Variants in NCOR2 observed in about 807,000 individuals in gnomAD.
NCOR2 encodes CTG repeat protein 26.
In NCOR2, 81 loss-of-function variants were observed where a neutral mutation model predicts 262.9. The observed-to-expected ratio is 0.31, with a 90% CI of 0.26 to 0.37. The LOEUF (loss-of-function observed/expected upper bound fraction) is 0.37, where lower values mean the gene tolerates loss of function less well. NCOR2 is among the 10% of genes least tolerant of loss of function. The pLI, the probability that NCOR2 is intolerant of heterozygous loss-of-function variation, is 1.00. For missense variants in NCOR2, 3,385 were observed against 3,621.4 expected (o/e 0.93, Z 1.68); for synonymous variants, 1,659 against 1,559.3 (o/e 1.06, Z -1.51).
chr12:124,340,347 T>A (rs375889764), exon 36 of NCOR2: 2 of 1,612,760 alleles, frequency 1.2e-6, no homozygotes, highest in Non-Finnish European at 1.7e-6. Flanking sequence ...GAGGATGGAC[T>A]TTTCCCGCTC....
Position 124,458,554 on chromosome 12 carries a change from C to T in NCOR2, c.706-1392G>A, listed in dbSNP as rs562460173. 3.5e-3 allele frequency among the ~76,000 whole-genome samples: 526 copies of T among 152,306 alleles called. 3 individuals are homozygous for T. Among genetic ancestry groups the T allele is most frequent in the Non-Finnish European group, 6.1e-3 (413 of 68,032 alleles). The stretch of plus-strand genomic sequence containing the variant: ...GAAGAGCAGGGGAGAACTATTACAG[C>T]GATGGTCACTTCTCCAAGCACCTGC... On this transcript the variant is annotated intron_variant, in intron 5 of 46. Transcript: ENST00000405201.
exon 20 of NCOR2, chr12:124,372,077 T>C: frequency 1.9e-6 from 3 of 1,604,198 alleles, no homozygotes; most frequent in Non-Finnish European, 1.7e-6. Context: ...CAGGTAGCAC[T>C]GGAGTCGCTG....
rs1794963 is a variant in NCOR2, at chr12:124,373,411, C to T, written c.2219-801G>A. ...GGGCCCCGGGCACAGTGGACAATCACGAGGCCAGTGCGTGCGCAGGGGCCC... is the reference window on the plus strand; with the variant it reads ...GGGCCCCGGGCACAGTGGACAATCATGAGGCCAGTGCGTGCGCAGGGGCCC... On this transcript the variant is annotated intron_variant, in intron 19 of 46. Transcript: ENST00000405201. Among the ~76,000 whole-genome samples the T allele has an allele frequency of 4.8e-3, 406 of 83,908 alleles. 16 individuals are homozygous for T. The highest frequency in any genetic ancestry group is 0.018 in the African/African-American group (381 of 21,410). 55.0% of individuals were successfully genotyped at this position (83,908 alleles called of 152,430 possible).
intron 19 of NCOR2, 97 bp downstream of exon 21, chr12:124,374,316 T>C: frequency 8.0e-7 from 1 of 1,248,434 alleles, no homozygotes; most frequent in Non-Finnish European, 1.2e-6. Context: ...GAAAGAGGCA[T>C]GTGCTCAGAA....
At chr12:124,449,829 A>G in exon 7 of NCOR2, 1 of 1,614,080 alleles carries the variant, frequency 6.2e-7, no homozygotes, top group Non-Finnish European at 8.5e-7. Flanking sequence ...TGATGTTCTC[A>G]TGATACTGCC....
In NCOR2 at chr12:124,402,569, A is replaced by G; in HGVS notation, c.1483-8T>C. 6.5e-7 allele frequency: 1 copy of G among 1,549,544 alleles called. No individual in the cohort carries two copies. Among genetic ancestry groups the G allele is most frequent in the South Asian group, 1.2e-5 (1 of 84,730 alleles). ...CTGCTGTTGTTGCTGCTGCTGTCAGACCCCGGGGGAGGGCAGAGGGGAGTG... is the reference window on the plus strand; with the variant it reads ...CTGCTGTTGTTGCTGCTGCTGTCAGGCCCCGGGGGAGGGCAGAGGGGAGTG... On this transcript the variant is annotated splice_polypyrimidine_tract_variant and splice_region_variant and intron_variant, in intron 13 of 46. Transcript: ENST00000405201.
chr12:124,495,220 G>A lies in NCOR2; in HGVS notation c.32C>T (p.Thr11Met), dbSNP rs373302441. ...GTAGCGGGGCTCAGTGGCCCTCCACGTCTGTGCCACAGGCTGTGTGGATCC... is the reference window on the plus strand; with the variant it reads ...GTAGCGGGGCTCAGTGGCCCTCCACATCTGTGCCACAGGCTGTGTGGATCC... The change falls in exon 1 of 47, where the codon ACG (threonine) becomes ATG (methionine). Residue 11 changes from threonine to methionine, a missense_variant. Physicochemically the swap from Thr to Met is moderately conservative, Grantham distance 81. Coordinates refer to ENST00000405201, the Ensembl canonical transcript of NCOR2. The surrounding 1 kb of genome is among the most constrained non-coding windows in gnomAD (Gnocchi z 4.4). 50 of 1,613,616 alleles carry A rather than the reference G, an allele frequency of 3.1e-5. No homozygotes were observed. Among genetic ancestry groups the A allele is most frequent in the East Asian group, 8.9e-5 (4 of 44,890 alleles).
At chr12:124,459,940 G>C (rs779050142) in intron 5 of NCOR2, among the ~76,000 whole-genome samples, 4 of 152,052 alleles carry the variant, frequency 2.6e-5, no homozygotes, top group African/African-American at 4.8e-5. Flanking sequence ...TGCACCTACC[G>C]TTCCCTGCCT....
intron 13 of NCOR2, among the ~76,000 whole-genome samples, chr12:124,411,862 C>T (rs1055124528): frequency 2.6e-5 from 4 of 152,056 alleles, no homozygotes; most frequent in Non-Finnish European, 5.9e-5. Context: ...GGCCAGGTTC[C>T]GGGAGGTGGG....
Position 124,326,298 on chromosome 12 carries a change from G to A in NCOR2, c.7256C>T (p.Ala2419Val), listed in dbSNP as rs769068205. The change falls in exon 46 of 47, where the codon GCA becomes GTA. Residue 2419 changes from alanine (A) to valine (V), a missense_variant. Transcript: ENST00000405201. ...GACAGAGGGTGGCCGGTCCCCAGAT[G>A]CCAGGCCCGGGGCCGGGGACTTGGC... The A allele has an allele frequency of 1.9e-5, 29 of 1,565,592 alleles. No homozygotes were observed. In the East Asian group the frequency reaches 6.7e-4, roughly 36 times the overall value.
At chr12:124,567,574 C>T (rs2052290253), upstream of NCOR2, 1 of 146,240 alleles carries the variant, frequency 6.8e-6, no homozygotes, top group South Asian at 1.9e-4. Context: ...CCGGCCTGCC[C>T]GCGGCTCCGC....
chr12:124,390,033 A>G (rs2041177277), intron 16 of NCOR2, among the ~76,000 whole-genome samples: 1 of 152,168 alleles, frequency 6.6e-6, no homozygotes, highest in Middle Eastern at 3.2e-3. Flanking sequence ...TCTGGGGAGC[A>G]GAAGGCGTCT....
At chr12:124,338,892 A>G (rs889121051) in intron 37 of NCOR2, among the ~76,000 whole-genome samples, 6 of 101,172 alleles carry the variant, frequency 5.9e-5, no homozygotes, top group African/African-American at 2.1e-4. Flanking sequence ...CATCCACCTA[A>G]CCCTACCACC....
chr12:124,343,211 C>T (rs766746478), exon 33 of NCOR2: 1 of 1,608,334 alleles, frequency 6.2e-7, no homozygotes, highest in Non-Finnish European at 8.5e-7. Context: ...GGATGCCTTG[C>T]TGGACGAAAG....
At position 124,448,686 on chromosome 12, in the gene NCOR2, G is replaced by A. The variant is rs544710576; in HGVS notation, c.815+1129C>T. Among the ~76,000 whole-genome samples, 57 of 151,968 alleles carry A rather than the reference G, an allele frequency of 3.8e-4. 1 individual carries two copies. Among genetic ancestry groups the A allele is most frequent in the African/African-American group, 1.3e-3 (55 of 41,428 alleles). Reference sequence around the variant, plus strand: ...GATCACCTGAGCTTGGACCAGTCGCGCAACTCTGGAAACTACAACAGCAGC... The same window carrying A: ...GATCACCTGAGCTTGGACCAGTCGCACAACTCTGGAAACTACAACAGCAGC... On this transcript the variant is annotated intron_variant, in intron 7 of 46. Transcript: ENST00000405201.
chr12:124,494,539 G>A (rs549372143), intron 1 of NCOR2, among the ~76,000 whole-genome samples: 2 of 152,312 alleles, frequency 1.3e-5, no homozygotes, highest in African/African-American at 4.8e-5. Flanking sequence ...GGGCACACAT[G>A]TGGGCAGGCA....
intron 1 of NCOR2, among the ~76,000 whole-genome samples, chr12:124,491,308 T>C (rs985717087): frequency 6.6e-6 from 1 of 152,240 alleles, no homozygotes. Context: ...GCTTACTCTG[T>C]CCATACCCTG....
At chr12:124,429,743 T>C in intron 9 of NCOR2, 37 bp from the exon 12 acceptor site, 1 of 1,551,260 alleles carries the variant, frequency 6.4e-7, no homozygotes. Context: ...ACCGGTCTTC[T>C]GGTGGTCGGG....
In NCOR2 at chr12:124,343,879, T is replaced by C. The variant is rs182750083; in HGVS notation, c.4715-653A>G. ...CTGACCTCAGGTGATCTGCCTGCCT[T>C]GACCTCCCAAACTGCTGGGATTACA... On this transcript the variant is annotated intron_variant, in intron 32 of 46. Transcript: ENST00000405201. Among the ~76,000 whole-genome samples the C allele has an allele frequency of 1.9e-3, 290 of 152,274 alleles. 2 individuals are homozygous for C. Among genetic ancestry groups the C allele is most frequent in the African/African-American group, 6.6e-3 (276 of 41,560 alleles).
Sources: allele counts gnomAD v4.1 joint callset (sites outside exome capture counted in the v4.1 genomes callset), GRCh38; gene constraint gnomAD v4.1.1; non-coding constraint Gnocchi (gnomAD v3.1); transcripts MANE v1.5; gene names NCBI Gene and HGNC (gene_info 2026-07-23, HGNC 2026-07-21).